The following FIGN variants were observed in gnomAD, a reference collection of about 807,000 sequenced individuals.
FIGN encodes fidgetin.
FIGN carries 11 observed loss-of-function variants against 51.3 expected under a neutral mutation model. The ratio of observed to expected loss-of-function variants is 0.21; its 90% confidence interval spans 0.13 to 0.35. The LOEUF (loss-of-function observed/expected upper bound fraction) is 0.35, where lower values mean the gene tolerates loss of function less well. FIGN is among the 10% of genes least tolerant of loss of function. The probability of loss-of-function intolerance (pLI) is 1.00; values close to 1 mark genes in which losing one functional copy is unlikely to be tolerated. For missense variants in FIGN, 857 were observed against 943.6 expected (o/e 0.91, Z 1.20); for synonymous variants, 407 against 363.2 (o/e 1.12, Z -1.37).
At chr2:163,726,919 T>C (rs1684846795) in intron 2 of FIGN, among the ~76,000 whole-genome samples, 1 of 152,070 alleles carries the variant, frequency 6.6e-6, no homozygotes, top group Admixed American at 6.6e-5. Flanking sequence ...ATAGTATTTG[T>C]TTGATCTGAA....
chr2:163,683,052 A>G (rs1684090425), intron 2 of FIGN, among the ~76,000 whole-genome samples: 1 of 152,104 alleles, frequency 6.6e-6, no homozygotes, highest in Non-Finnish European at 1.5e-5. Context: ...AAGAAACCAG[A>G]CTGGATTTGG....
intron 2 of FIGN, among the ~76,000 whole-genome samples, chr2:163,653,486 A>AGTT (rs1331831054): frequency 2.0e-5 from 3 of 152,084 alleles, no homozygotes; most frequent in Non-Finnish European, 4.4e-5. Context: ...CTCTGTTTAA[A>AGTT]GTTTAATACA....
At position 163,609,675 on chromosome 2, in the gene FIGN, G is replaced by C; in HGVS notation, c.2157C>G (p.Ser719Arg). Reference protein sequence around the residue: ...PATDLSAIMPSQLRPVTYQDF... With the variant: ...PATDLSAIMPRQLRPVTYQDF... ...CTTGATATGTAACGGGCCTCAACTG[G>C]CTGGGCATAATGGCTGAAAGGTCTG... The change falls in exon 3 of 3, where the codon AGC (serine) becomes AGG (arginine). Residue 719 changes from serine to arginine, a missense_variant. By Grantham distance (110) the Ser-to-Arg change is moderately radical. Around this residue, in one of 3 missense-constraint regions of FIGN, gnomAD observed 799 missense variants for 849.5 expected, o/e 0.94. Coordinates refer to ENST00000333129, the MANE Select transcript of FIGN (RefSeq NM_018086.4). 6.2e-7 allele frequency: 1 copy of C among 1,614,096 alleles called. No individual in the cohort carries two copies. Among genetic ancestry groups the C allele is most frequent in the Non-Finnish European group, 8.5e-7 (1 of 1,180,018 alleles).
At chr2:163,725,198 A>C (rs1343255031) in intron 2 of FIGN, among the ~76,000 whole-genome samples, 1 of 152,102 alleles carries the variant, frequency 6.6e-6, no homozygotes, top group Non-Finnish European at 1.5e-5. Context: ...GCTGAAATGA[A>C]ATTTGATTTT....
intron 2 of FIGN, among the ~76,000 whole-genome samples, chr2:163,653,929 T>A (rs1351372603): frequency 1.3e-5 from 2 of 152,116 alleles, no homozygotes; most frequent in African/African-American, 2.4e-5. Context: ...ATGCCCAGTG[T>A]CATCTAAGTA....
At chr2:163,638,464 TGTG>T (rs1416523769) in intron 2 of FIGN, among the ~76,000 whole-genome samples, 1 of 152,126 alleles carries the variant, frequency 6.6e-6, no homozygotes, top group Non-Finnish European at 1.5e-5. Context: ...CAATTAGTAA[TGTG>T]GTGCCCATCT....
chr2:163,693,409 T>C (rs1173261282), intron 2 of FIGN, among the ~76,000 whole-genome samples: 1 of 152,110 alleles, frequency 6.6e-6, no homozygotes, highest in Non-Finnish European at 1.5e-5. Context: ...TCTCTCACTT[T>C]CTCCAGTGCC....
intron 2 of FIGN, among the ~76,000 whole-genome samples, chr2:163,732,437 T>C (rs1218664003): frequency 6.6e-6 from 1 of 152,168 alleles, no homozygotes; most frequent in African/African-American, 2.4e-5. Flanking sequence ...TAACTAAAAT[T>C]TGAATGAAAA....
chr2:163,708,939 G>A (rs1159446241), intron 2 of FIGN, among the ~76,000 whole-genome samples: 3 of 152,128 alleles, frequency 2.0e-5, no homozygotes, highest in Non-Finnish European at 2.9e-5. Flanking sequence ...TGTTCACAAC[G>A]ATATAGAAAG....
At chr2:163,654,739 A>C (rs1043185391) in intron 2 of FIGN, among the ~76,000 whole-genome samples, 2 of 152,206 alleles carry the variant, frequency 1.3e-5, no homozygotes, top group Non-Finnish European at 2.9e-5. Context: ...AACACAAAGA[A>C]AGGATAATAC....
intron 2 of FIGN, among the ~76,000 whole-genome samples, chr2:163,684,629 A>G (rs1313887964): frequency 6.6e-6 from 1 of 152,182 alleles, no homozygotes; most frequent in African/African-American, 2.4e-5. Context: ...TCAGAGGGAG[A>G]GGTAGATGTT....
intron 2 of FIGN, among the ~76,000 whole-genome samples, chr2:163,720,542 A>T (rs1684740610): frequency 6.6e-6 from 1 of 152,188 alleles, no homozygotes; most frequent in African/African-American, 2.4e-5. Context: ...AGTTTTAATT[A>T]ATTTCTCATA....
At chr2:163,618,106 A>G (rs558771183) in intron 2 of FIGN, among the ~76,000 whole-genome samples, 1 of 152,328 alleles carries the variant, frequency 6.6e-6, no homozygotes, top group African/African-American at 2.4e-5. Context: ...AACAAAGAGC[A>G]TAATCTCTTT....
At chr2:163,711,584 C>A (rs932625263) in intron 2 of FIGN, among the ~76,000 whole-genome samples, 1 of 151,080 alleles carries the variant, frequency 6.6e-6, no homozygotes. Context: ...ACCTGCAGTT[C>A]CTGAAGAGAA....
At chr2:163,665,934 A>G (rs1053232301) in intron 2 of FIGN, among the ~76,000 whole-genome samples, 2 of 152,200 alleles carry the variant, frequency 1.3e-5, no homozygotes, top group Non-Finnish European at 2.9e-5. Context: ...ATTTAGGAGA[A>G]CCCAGAATGT....
chr2:163,733,956 A>C (rs1478240641), intron 2 of FIGN, among the ~76,000 whole-genome samples: 1 of 152,014 alleles, frequency 6.6e-6, no homozygotes, highest in Non-Finnish European at 1.5e-5. Context: ...AAAAAAAAAA[A>C]AAAAAACAGT....
intron 2 of FIGN, among the ~76,000 whole-genome samples, chr2:163,614,444 G>A (rs1431803418): frequency 6.6e-6 from 1 of 152,078 alleles, no homozygotes; most frequent in African/African-American, 2.4e-5. Flanking sequence ...CTGTAATGTA[G>A]AACTGTCTAA....
At chr2:163,620,902 C>T (rs995332273) in intron 2 of FIGN, among the ~76,000 whole-genome samples, 1 of 145,220 alleles carries the variant, frequency 6.9e-6, no homozygotes, top group Non-Finnish European at 1.5e-5. Flanking sequence ...TATCTAAATG[C>T]AAAGCCCAAT....
intron 2 of FIGN, among the ~76,000 whole-genome samples, chr2:163,728,970 G>A (rs895002690): frequency 1.1e-4 from 16 of 152,236 alleles, no homozygotes; most frequent in African/African-American, 3.1e-4. Context: ...AGTTTAGAAC[G>A]ACATACAGAA....
Sources: allele counts gnomAD v4.1 joint callset (sites outside exome capture counted in the v4.1 genomes callset), GRCh38; gene constraint gnomAD v4.1.1; regional missense constraint gnomAD v4.1.1; transcripts MANE v1.5; gene names NCBI Gene and HGNC (gene_info 2026-07-23, HGNC 2026-07-21).